The following PBRM1 variants were observed in gnomAD, a reference collection of about 807,000 sequenced individuals.
PBRM1 encodes the protein polybromo 1.
Under a neutral mutation model 194.5 loss-of-function variants are expected in PBRM1, and 27 were observed. The ratio of observed to expected loss-of-function variants is 0.14; its 90% CI spans 0.10 to 0.19. The LOEUF (loss-of-function observed/expected upper bound fraction) is 0.19, where lower values mean the gene tolerates loss of function less well. Ranked by LOEUF, PBRM1 falls within the 10% of genes least tolerant of loss-of-function variation. The probability of loss-of-function intolerance (pLI) is 1.00; values close to 1 mark genes in which losing one functional copy is unlikely to be tolerated. For synonymous variants in PBRM1, 655 were observed against 693.2 expected (o/e 0.94, Z 0.87); for missense variants, 1,466 against 2,077.2 (o/e 0.71, Z 5.72).
At chr3:52,591,196 C>T (rs2092996305) in intron 17 of PBRM1, among the ~76,000 whole-genome samples, 1 of 152,166 alleles carries the variant, frequency 6.6e-6, no homozygotes. Context: ...ATTAAGTCAT[C>T]TGCAAAGAGA....
Position 52,612,258 on chromosome 3 carries a change from C to CAAAAAAAAAAAAAAAAAAA in PBRM1, c.1925-2322_1925-2304dup, listed in dbSNP as rs566481465. Among the ~76,000 whole-genome samples, 171 of 23,994 alleles carry CAAAAAAAAAAAAAAAAAAA rather than the reference C, an allele frequency of 7.1e-3. 19 individuals are homozygous for CAAAAAAAAAAAAAAAAAAA. Among genetic ancestry groups the CAAAAAAAAAAAAAAAAAAA allele is most frequent in the Non-Finnish European group, 9.5e-3 (123 of 12,900 alleles). 15.7% of individuals were successfully genotyped at this position (23,994 alleles called of 152,430 possible). On this transcript the variant is annotated intron_variant, in intron 15 of 29. Transcript: ENST00000296302. ...TAGGCAACAGAGCGAGATTCCGTCT[C>CAAAAAAAAAAAAAAAAAAA]AAAAAAAAAAAAAAAAAAAAAAAAG...
At position 52,651,734 on chromosome 3, in the gene PBRM1, C is replaced by T. The variant is rs1210505992; in HGVS notation, c.714+8G>A. 2.0e-6 allele frequency: 3 copies of T among 1,533,736 alleles called. No homozygotes were observed. The East Asian group carries it at 6.8e-5, about 35-fold the overall frequency. ...ACCACAATCATTTACTTATGGTCAT[C>T]TTCATACCTGTATCCTCTGGGCAAT... On this transcript the variant is annotated splice_region_variant and intron_variant, in intron 6 of 29. Transcript: ENST00000296302.
intron 27 of PBRM1, among the ~76,000 whole-genome samples, chr3:52,551,202 G>C (rs752647138): frequency 2.0e-5 from 3 of 152,204 alleles, no homozygotes; most frequent in Non-Finnish European, 4.4e-5. Context: ...AATGGCACTG[G>C]AATCAGGCTC....
exon 15 of PBRM1, chr3:52,615,368 G>T: frequency 6.2e-7 from 1 of 1,607,448 alleles, no homozygotes; most frequent in Non-Finnish European, 8.5e-7. Context: ...GAGTTTGGGA[G>T]AAGCCATGTC....
intron 20 of PBRM1, chr3:52,585,681 A>T (rs1697028680): frequency 6.6e-6 from 1 of 151,728 alleles, no homozygotes; most frequent in South Asian, 2.1e-4. Context: ...CCACCACCTC[A>T]CCCAGCTAAT....
intron 13 of PBRM1, among the ~76,000 whole-genome samples, chr3:52,623,815 C>T (rs2095357541): frequency 1.3e-5 from 2 of 152,188 alleles, no homozygotes; most frequent in Admixed American, 6.5e-5. Context: ...GGCTCTAGAA[C>T]TCAGGGTTGT....
At chr3:52,607,842 C>T (rs2094426430) in intron 16 of PBRM1, among the ~76,000 whole-genome samples, 1 of 152,136 alleles carries the variant, frequency 6.6e-6, no homozygotes, top group African/African-American at 2.4e-5. Context: ...TGCTGAAGAA[C>T]CATATTATTA....
At chr3:52,656,326 C>T (rs546784774) in intron 5 of PBRM1, among the ~76,000 whole-genome samples, 91 of 152,250 alleles carry the variant, frequency 6.0e-4, no homozygotes, top group African/African-American at 2.1e-3. Context: ...TTATCTTCCT[C>T]TTACCCTGTC....
At chr3:52,621,901 T>C (rs931892474) in intron 13 of PBRM1, among the ~76,000 whole-genome samples, 2 of 151,638 alleles carry the variant, frequency 1.3e-5, no homozygotes, top group African/African-American at 2.4e-5. Context: ...AAAAGCGTAG[T>C]CAGGCATGGT....
At chr3:52,546,462 G>A (rs879598727), downstream of PBRM1, 1 of 229,400 alleles carries the variant, frequency 4.4e-6, no homozygotes, top group Non-Finnish European at 8.6e-6. Flanking sequence ...AAGTTAAAGG[G>A]CCTCCCATAT....
At chr3:52,667,632 A>C (rs2096865883) in intron 3 of PBRM1, among the ~76,000 whole-genome samples, 1 of 151,732 alleles carries the variant, frequency 6.6e-6, no homozygotes, top group South Asian at 2.1e-4. Flanking sequence ...GGGCACCTGT[A>C]ATCCCAGCTA....
chr3:52,682,924 G>A (rs1372729976), upstream of PBRM1, among the ~76,000 whole-genome samples: 4 of 152,122 alleles, frequency 2.6e-5, no homozygotes, highest in Non-Finnish European at 5.9e-5. Context: ...ATTTAGCTGG[G>A]TGCGGTGGCT....
exon 11 of PBRM1, chr3:52,634,759 C>T (rs2095743563): frequency 3.7e-6 from 6 of 1,613,894 alleles, no homozygotes; most frequent in Admixed American, 3.3e-5. Context: ...GGATTTGAAA[C>T]ATCCATAAAG....
chr3:52,644,520 G>A (rs1253931306), intron 8 of PBRM1, among the ~76,000 whole-genome samples, 184 bp downstream of exon 9: 1 of 152,038 alleles, frequency 6.6e-6, no homozygotes, highest in African/African-American at 2.4e-5. Context: ...AAGTAGCTGT[G>A]ACTACAGGCA....
chr3:52,605,769 A>G (rs2094312546), intron 16 of PBRM1, among the ~76,000 whole-genome samples: 1 of 151,416 alleles, frequency 6.6e-6, no homozygotes, highest in South Asian at 2.1e-4. Context: ...TGCCTGGCTA[A>G]TTTTTGTACT....
intron 11 of PBRM1, among the ~76,000 whole-genome samples, chr3:52,632,686 CTTTT>C (rs767428790): frequency 7.2e-6 from 1 of 138,638 alleles, no homozygotes; most frequent in African/African-American, 2.6e-5. Flanking sequence ...CCACCTTGAC[CTTTT>C]TTTTTTTTTT....
At chr3:52,631,706 TTTTAAG>T (rs1441204810) in intron 11 of PBRM1, among the ~76,000 whole-genome samples, 1 of 152,164 alleles carries the variant, frequency 6.6e-6, no homozygotes, top group Admixed American at 6.5e-5. Flanking sequence ...CTTTTGATAT[TTTTAAG>T]TTTATTTTTA....
At chr3:52,554,925 C>A in intron 26 of PBRM1, 46 bp from the exon 29 acceptor site, 1 of 1,565,272 alleles carries the variant, frequency 6.4e-7, no homozygotes, top group Non-Finnish European at 8.7e-7. Flanking sequence ...TAACATGCAA[C>A]ATGAGCTAAG....
chr3:52,644,717 T>C (rs2153731601), exon 8 of PBRM1: 1 of 1,552,756 alleles, frequency 6.4e-7, no homozygotes, highest in Non-Finnish European at 8.9e-7. Flanking sequence ...ATTCGAAGAC[T>C]TGACTTAGCC....
Sources: gnomAD v4.1 joint callset for allele counts (sites outside exome capture counted in the v4.1 genomes callset) on GRCh38, gnomAD v4.1.1 for gene constraint, MANE v1.5 for transcripts, NCBI Gene and HGNC (gene_info 2026-07-23, HGNC 2026-07-21) for gene names.